The following DRC8 variants were observed in gnomAD, a reference collection of about 807,000 sequenced individuals.
The protein encoded by DRC8 is dynein regulatory complex subunit 8, also known as dynein regulatory complex protein 8.
At chr1:245,079,455 A>G in the DRC8 span, among the ~76,000 whole-genome samples, 67 of 152,338 alleles carry the variant, frequency 4.4e-4, no homozygotes, top group African/African-American at 1.5e-3. Flanking sequence ...TAGGCAAGAA[A>G]GATCTGCGGA....
At chr1:244,979,888 T>A in the DRC8 span, among the ~76,000 whole-genome samples, 1 of 151,722 alleles carries the variant, frequency 6.6e-6, no homozygotes, top group African/African-American at 2.4e-5. Context: ...TTTTTATTCT[T>A]AAAGCATTGG....
the DRC8 span, among the ~76,000 whole-genome samples, chr1:245,000,662 T>C: frequency 1.3e-5 from 2 of 151,838 alleles, 1 homozygote; most frequent in Admixed American, 1.3e-4. Context: ...GTGTCTATAG[T>C]CCCAGCTACT....
the DRC8 span, among the ~76,000 whole-genome samples, chr1:244,981,677 C>T: frequency 1.3e-5 from 2 of 152,098 alleles, no homozygotes; most frequent in Non-Finnish European, 2.9e-5. Context: ...TTGGTGGAGG[C>T]TGCGTGTGGA....
chr1:245,073,054 C>G, the DRC8 span, among the ~76,000 whole-genome samples: 29 of 152,300 alleles, frequency 1.9e-4, no homozygotes, highest in Non-Finnish European at 3.8e-4. Flanking sequence ...AATACAAGAA[C>G]AGCCTAATAC....
chr1:245,083,653 C>G, the DRC8 span: 1 of 1,610,752 alleles, frequency 6.2e-7, no homozygotes, highest in African/African-American at 1.3e-5. Context: ...GGGTTTCTTA[C>G]TAAGGACGAG....
the DRC8 span, among the ~76,000 whole-genome samples, chr1:245,114,187 G>C: frequency 6.6e-6 from 1 of 151,986 alleles, no homozygotes; most frequent in Non-Finnish European, 1.5e-5. Flanking sequence ...TGCCTGGGCC[G>C]GGTGTGGTGG....
the DRC8 span, chr1:245,002,120 G>A: frequency 1.3e-6 from 2 of 1,599,298 alleles, no homozygotes; most frequent in Non-Finnish European, 1.7e-6. Flanking sequence ...CTTTATGCTA[G>A]GGCCTGGGAT....
At chr1:245,090,469 A>C in the DRC8 span, among the ~76,000 whole-genome samples, 31 of 145,960 alleles carry the variant, frequency 2.1e-4, no homozygotes, top group Non-Finnish European at 4.1e-4. Context: ...CCTGCGTTGC[A>C]GGCACTGTCC....
the DRC8 span, chr1:244,970,601 C>T: frequency 1.2e-6 from 1 of 824,948 alleles, no homozygotes. Flanking sequence ...GCAGCAGTCG[C>T]CCTGCCCCCG....
the DRC8 span, among the ~76,000 whole-genome samples, chr1:245,061,354 C>G: frequency 0.47 from 72,032 of 152,058 alleles, 18,131 homozygotes; most frequent in East Asian, 0.7. Flanking sequence ...CAGTTAGCCA[C>G]AGTGGGTGCT....
the DRC8 span, among the ~76,000 whole-genome samples, chr1:245,100,392 G>GTAATAA: frequency 1.3e-4 from 12 of 90,150 alleles, no homozygotes; most frequent in Admixed American, 3.7e-4. Flanking sequence ...CTCAAAAGTA[G>GTAATAA]TAGTAATAAT....
the DRC8 span, among the ~76,000 whole-genome samples, chr1:245,108,133 A>AC: frequency 6.6e-6 from 1 of 151,628 alleles, no homozygotes; most frequent in East Asian, 1.9e-4. Context: ...CCCGTCACCC[A>AC]CCCGTCACCC....
the DRC8 span, among the ~76,000 whole-genome samples, chr1:245,060,429 G>A: frequency 1.3e-5 from 2 of 152,178 alleles, no homozygotes; most frequent in Non-Finnish European, 2.9e-5. Context: ...TAGCACCTTG[G>A]TGACCAAAAA....
the DRC8 span, among the ~76,000 whole-genome samples, chr1:245,008,754 G>T: frequency 1.3e-5 from 2 of 148,408 alleles, no homozygotes; most frequent in Non-Finnish European, 3.0e-5. Flanking sequence ...CTGCAACCTT[G>T]AACTCCTGGG....
At chr1:245,020,324 G>A in the DRC8 span, among the ~76,000 whole-genome samples, 1 of 152,156 alleles carries the variant, frequency 6.6e-6, no homozygotes, top group African/African-American at 2.4e-5. Context: ...ATTATGAGCT[G>A]GGCTCCTGCT....
At chr1:245,094,878 C>G in the DRC8 span, among the ~76,000 whole-genome samples, 2 of 152,228 alleles carry the variant, frequency 1.3e-5, no homozygotes, top group African/African-American at 4.8e-5. Context: ...TGCTTCATCT[C>G]TTCTGAAAGC....
At chr1:245,051,493 G>T in the DRC8 span, among the ~76,000 whole-genome samples, 89,000 of 151,334 alleles carry the variant, frequency 0.59, 27,199 homozygotes, top group East Asian at 0.73. Flanking sequence ...AAGGGAAGTG[G>T]AGATGAGGAG....
the DRC8 span, among the ~76,000 whole-genome samples, chr1:245,051,016 G>A: frequency 9.9e-5 from 15 of 151,968 alleles, no homozygotes; most frequent in Non-Finnish European, 1.5e-4. Context: ...ACAGGCATGC[G>A]CCACCATACC....
chr1:245,055,679 C>T, the DRC8 span, among the ~76,000 whole-genome samples: 3 of 152,152 alleles, frequency 2.0e-5, no homozygotes, highest in Non-Finnish European at 4.4e-5. Flanking sequence ...ATATTTGTAA[C>T]TCATTACCAA....
Sources: allele counts gnomAD v4.1 joint callset (sites outside exome capture counted in the v4.1 genomes callset), GRCh38; gene constraint gnomAD v4.1.1; transcripts MANE v1.5; gene names NCBI Gene and HGNC (gene_info 2026-07-23, HGNC 2026-07-21).